Variants in SLC6A6 observed in about 807,000 individuals in gnomAD.
The protein encoded by SLC6A6 is sodium- and chloride-dependent taurine transporter.
SLC6A6 carries 16 observed loss-of-function variants against 68.8 expected under a neutral mutation model. That is an observed-to-expected ratio of 0.23 (90% CI 0.16 to 0.35). The LOEUF (loss-of-function observed/expected upper bound fraction) is 0.35. SLC6A6 is among the 10% of genes least tolerant of loss of function. SLC6A6 has a pLI of 1.00. For synonymous variants in SLC6A6, 312 were observed against 315.4 expected, an observed-to-expected ratio of 0.99 and a Z score of 0.12; for missense variants, 474 against 802.8, an observed-to-expected ratio of 0.59 and a Z score of 4.95.
chr3:14,432,810 C>G (rs1699759712), intron 2 of SLC6A6: 1 of 152,334 alleles, frequency 6.6e-6, no homozygotes, highest in African/African-American at 2.4e-5. Context: ...GTGGCCCTCC[C>G]CAAGCTCCTC....
chr3:14,449,820 C>T (rs543375326), intron 5 of SLC6A6, among the ~76,000 whole-genome samples: 19 of 152,206 alleles, frequency 1.2e-4, no homozygotes, highest in African/African-American at 3.9e-4. Context: ...GGCGTGATCT[C>T]GGCTCACTGC....
intron 1 of SLC6A6, among the ~76,000 whole-genome samples, chr3:14,408,610 C>G (rs1416534518): frequency 1.3e-5 from 2 of 152,156 alleles, no homozygotes. Context: ...GCTGGGCAGT[C>G]TATCATATCT....
intron 6 of SLC6A6, 91 bp downstream of exon 6, chr3:14,458,173 C>A (rs1348030883): frequency 2.5e-6 from 3 of 1,221,946 alleles, no homozygotes; most frequent in African/African-American, 3.0e-5. Flanking sequence ...TAGCCACGCC[C>A]CAAGAGGGAG....
At chr3:14,476,762 C>T (rs116011235) in intron 10 of SLC6A6, among the ~76,000 whole-genome samples, 328 of 152,374 alleles carry the variant, frequency 2.2e-3, no homozygotes, top group Non-Finnish European at 3.6e-3. Flanking sequence ...GTGATACCAC[C>T]CTTATCTTCC....
chr3:14,421,025 G>C (rs1291977478), intron 2 of SLC6A6, among the ~76,000 whole-genome samples: 1 of 152,218 alleles, frequency 6.6e-6, no homozygotes, highest in Admixed American at 6.5e-5. Context: ...TGCTGCATAC[G>C]TGTTGATGAA....
At chr3:14,459,957 G>T (rs1186007543) in intron 6 of SLC6A6, among the ~76,000 whole-genome samples, 1 of 149,330 alleles carries the variant, frequency 6.7e-6, no homozygotes, top group Non-Finnish European at 1.5e-5. Flanking sequence ...AAATGCAGTG[G>T]CTTGATCTCA....
chr3:14,486,313 CT>C lies in SLC6A6; in HGVS notation c.*1307del, dbSNP rs920227539. On this transcript the variant is annotated 3_prime_UTR_variant, in exon 15 of 15. Coordinates refer to ENST00000622186, the MANE Select transcript of SLC6A6 (RefSeq NM_003043.6). ...ACAGCTTTTGAGTCTGTATCCTCCA[CT>C]GGGGGAAGTGCTCCCAGTTCAGAAC... 1.3e-5 allele frequency: 2 copies of C among 152,636 alleles called. No homozygotes were observed. Among genetic ancestry groups the C allele is most frequent in the African/African-American group, 4.8e-5 (2 of 41,448 alleles). The allele number at this position is 152,636 out of a possible 1,614,324, so 9.5% of individuals were successfully genotyped here.
intron 1 of SLC6A6, among the ~76,000 whole-genome samples, 196 bp downstream of exon 1, chr3:14,403,043 A>G (rs1339867109): frequency 6.6e-6 from 1 of 151,674 alleles, no homozygotes; most frequent in East Asian, 1.9e-4. Context: ...TTCCCCGGCA[A>G]AAGGGCTCCG....
chr3:14,444,514 T>TA (rs1700067179), intron 3 of SLC6A6, among the ~76,000 whole-genome samples: 3 of 152,158 alleles, frequency 2.0e-5, no homozygotes, highest in Non-Finnish European at 4.4e-5. Context: ...GGTCTTCTGT[T>TA]ACGGGGTTGT....
At chr3:14,469,706 G>A (rs1700708304) in intron 9 of SLC6A6, among the ~76,000 whole-genome samples, 1 of 152,152 alleles carries the variant, frequency 6.6e-6, no homozygotes, top group South Asian at 2.1e-4. Context: ...GGCCCTTCCA[G>A]TGTGAGAATT....
intron 6 of SLC6A6, among the ~76,000 whole-genome samples, chr3:14,465,342 G>T (rs1389070397): frequency 6.6e-6 from 1 of 152,232 alleles, no homozygotes; most frequent in African/African-American, 2.4e-5. Flanking sequence ...GGAACATGCA[G>T]TGTGACCCAG....
chr3:14,470,179 C>G (rs917832227), intron 9 of SLC6A6, among the ~76,000 whole-genome samples: 3 of 152,166 alleles, frequency 2.0e-5, no homozygotes, highest in Admixed American at 6.5e-5. Flanking sequence ...CCATGGACAA[C>G]GAAGTATTTT....
rs1466636036 is a variant in SLC6A6 at position 14,477,031 on chromosome 3, C to T, written c.1210-174C>T. ...AGTGGCAGGCGGGACTCCCCAGGCACAGTCAGGGAGGCCAGGCTTCCACAC... is the reference window on the plus strand; with the variant it reads ...AGTGGCAGGCGGGACTCCCCAGGCATAGTCAGGGAGGCCAGGCTTCCACAC... On this transcript the variant is annotated intron_variant, in intron 10 of 14. Coordinates refer to ENST00000622186, the MANE Select transcript of SLC6A6 (RefSeq NM_003043.6). This position sits in a 1 kb window ranked among gnomAD's most constrained non-coding sequence, Gnocchi z 4.2. Among the ~76,000 whole-genome samples the T allele has an allele frequency of 6.6e-6, 1 of 152,206 alleles. No homozygotes were observed. Among genetic ancestry groups the T allele is most frequent in the Non-Finnish European group, 1.5e-5 (1 of 68,036 alleles).
intron 2 of SLC6A6, among the ~76,000 whole-genome samples, chr3:14,430,316 C>T (rs1699693007): frequency 6.6e-6 from 1 of 152,094 alleles, no homozygotes. Flanking sequence ...CACGTGGGAG[C>T]AGAGGTCAGG....
At chr3:14,411,113 C>G (rs1699243728) in intron 1 of SLC6A6, 1 of 152,486 alleles carries the variant, frequency 6.6e-6, no homozygotes, top group Non-Finnish European at 1.5e-5. Flanking sequence ...ATCTGGGGAC[C>G]AGCTCTCTGC....
intron 2 of SLC6A6, among the ~76,000 whole-genome samples, chr3:14,441,094 A>G (rs904861003): frequency 1.7e-4 from 26 of 152,226 alleles, no homozygotes; most frequent in Middle Eastern, 3.4e-3. Context: ...CTCGAATATT[A>G]GTGTGGCAAG....
At chr3:14,448,981 G>T (rs1044994840) in intron 5 of SLC6A6, among the ~76,000 whole-genome samples, 3 of 152,260 alleles carry the variant, frequency 2.0e-5, no homozygotes, top group East Asian at 1.9e-4. Flanking sequence ...TGTTAAGGAA[G>T]AGGGTGGTTC....
chr3:14,455,556 C>T lies in SLC6A6; in HGVS notation c.600-2394C>T, dbSNP rs565009991. Among the ~76,000 whole-genome samples the T allele has an allele frequency of 2.5e-4, 38 of 152,330 alleles. No individual in the cohort carries two copies. In the South Asian group the frequency reaches 7.0e-3, roughly 28 times the overall value. On this transcript the variant is annotated intron_variant, in intron 5 of 14. Transcript: ENST00000622186. ...ATTTCCCCAGCGTGGGACAGGACAGCGGAAGACAGACAGGGGCTCTACAGT... is the reference window on the plus strand; with the variant it reads ...ATTTCCCCAGCGTGGGACAGGACAGTGGAAGACAGACAGGGGCTCTACAGT...
At chr3:14,479,038 T>G (rs1700947542) in intron 12 of SLC6A6, 47 bp from the exon 13 acceptor site, 1 of 1,253,100 alleles carries the variant, frequency 8.0e-7, no homozygotes, top group Non-Finnish European at 1.2e-6. Flanking sequence ...GAGCTGCTGC[T>G]GGCCTTGAAC....
Sources: allele counts gnomAD v4.1 joint callset (sites outside exome capture counted in the v4.1 genomes callset), GRCh38; gene constraint gnomAD v4.1.1; non-coding constraint Gnocchi (gnomAD v3.1); transcripts MANE v1.5; gene names NCBI Gene and HGNC (gene_info 2026-07-23, HGNC 2026-07-21).